Variants in SULF2 observed in about 807,000 individuals in gnomAD.
SULF2 encodes the protein sulfatase 2, also known as extracellular sulfatase Sulf-2.
A neutral mutation model predicts 107.7 loss-of-function variants in SULF2; 52 were observed. The ratio of observed to expected loss-of-function variants is 0.48; its 90% CI spans 0.39 to 0.61. SULF2 has a LOEUF of 0.61. Ranked by LOEUF, SULF2 falls within the 20% of genes least tolerant of loss-of-function variation. SULF2 has a pLI of 0.00. For missense variants in SULF2, 993 were observed against 1,177.3 expected, an observed-to-expected ratio of 0.84 and a Z score of 2.29; for synonymous variants, 460 against 464.3, an observed-to-expected ratio of 0.99 and a Z score of 0.12.
chr20:47,774,797 C>T (rs1012200343), intron 1 of SULF2, among the ~76,000 whole-genome samples: 3 of 152,198 alleles, frequency 2.0e-5, no homozygotes, highest in Admixed American at 6.5e-5. Context: ...TGCCCCCATC[C>T]TCTCTGCCAA....
intron 3 of SULF2, among the ~76,000 whole-genome samples, chr20:47,719,706 T>C (rs547586422): frequency 6.6e-6 from 1 of 152,334 alleles, no homozygotes; most frequent in African/African-American, 2.4e-5. Flanking sequence ...CTCAGCAAAC[T>C]ATTTCTGCAA....
chr20:47,745,043 G>C (rs1456999420), intron 2 of SULF2, among the ~76,000 whole-genome samples: 2 of 152,026 alleles, frequency 1.3e-5, no homozygotes, highest in African/African-American at 4.8e-5. Context: ...AAAGAGCACT[G>C]AATTGAGAGG....
chr20:47,774,401 A>G (rs1408680176), intron 1 of SULF2, among the ~76,000 whole-genome samples: 4 of 152,270 alleles, frequency 2.6e-5, no homozygotes, highest in African/African-American at 7.2e-5. Flanking sequence ...GCAGGCATTG[A>G]GCCCAGGTCC....
chr20:47,785,997 C>G (rs945776222), upstream of SULF2: 6 of 152,188 alleles, frequency 3.9e-5, no homozygotes, highest in African/African-American at 1.4e-4. Flanking sequence ...GCTGGCCGCG[C>G]TCCCGGCGCC....
chr20:47,745,462 TAC>T (rs1286603977), intron 2 of SULF2, among the ~76,000 whole-genome samples: 505 of 20,222 alleles, frequency 0.025, 31 homozygotes, highest in African/African-American at 0.12. Context: ...TATATACACA[TAC>T]ACACACACTT....
In SULF2 at chr20:47,659,468, TCAA is replaced by T. The variant is rs901224920; in HGVS notation, c.2529-19_2529-17del. The stretch of plus-strand genomic sequence containing the variant: ...CTGAAACTGCCTAAGTTTTCAAGTG[TCAA>T]AGGAGAATGAATGTTAACCATCACC... On this transcript the variant is annotated splice_polypyrimidine_tract_variant and intron_variant, in intron 19 of 20. Transcript: ENST00000688720. 102 of 1,613,506 alleles carry T rather than the reference TCAA, an allele frequency of 6.3e-5. No homozygotes were observed. Among genetic ancestry groups the T allele is most frequent in the Non-Finnish European group, 8.0e-5 (94 of 1,179,600 alleles).
chr20:47,705,173 T>A (rs2088690080), intron 3 of SULF2, among the ~76,000 whole-genome samples: 1 of 152,040 alleles, frequency 6.6e-6, no homozygotes, highest in African/African-American at 2.4e-5. Flanking sequence ...AGGGAGGAGC[T>A]GATGAAACAC....
chr20:47,697,690 C>T (rs2088429275), intron 4 of SULF2, among the ~76,000 whole-genome samples: 1 of 152,182 alleles, frequency 6.6e-6, no homozygotes, highest in African/African-American at 2.4e-5. Context: ...AATCCTCTCA[C>T]GCCTCCCTCA....
At chr20:47,697,912 G>C (rs2088438204) in intron 4 of SULF2, among the ~76,000 whole-genome samples, 1 of 152,252 alleles carries the variant, frequency 6.6e-6, no homozygotes. Flanking sequence ...GAATCCGCCT[G>C]CACTGAGGCT....
chr20:47,701,238 C>T (rs539607787), intron 4 of SULF2, among the ~76,000 whole-genome samples: 5 of 152,336 alleles, frequency 3.3e-5, no homozygotes, highest in African/African-American at 1.2e-4. Context: ...TCCACGCTGT[C>T]AGAAGTCAGA....
At chr20:47,714,351 T>C (rs1374665424) in intron 3 of SULF2, among the ~76,000 whole-genome samples, 1 of 152,208 alleles carries the variant, frequency 6.6e-6, no homozygotes, top group Non-Finnish European at 1.5e-5. Context: ...CTGTGATCCA[T>C]ACATCCGTCA....
At chr20:47,759,900 T>C (rs1411728229) in intron 1 of SULF2, among the ~76,000 whole-genome samples, 1 of 152,260 alleles carries the variant, frequency 6.6e-6, no homozygotes, top group Non-Finnish European at 1.5e-5. Context: ...TGTCCAATTC[T>C]TCCCCACTAG....
intron 8 of SULF2, 23 bp from the exon 9 acceptor site, chr20:47,677,157 C>T (rs1173634856): frequency 6.2e-7 from 1 of 1,613,318 alleles, no homozygotes; most frequent in African/African-American, 1.3e-5. Flanking sequence ...ACGGCTCCTG[C>T]TTCTCAGCAA....
In SULF2 at chr20:47,745,396, A is replaced by T. The variant is rs1295361431; in HGVS notation, c.176-8454T>A. Among the ~76,000 whole-genome samples the T allele has an allele frequency of 7.7e-4, 21 of 27,300 alleles. 1 individual carries two copies. Among genetic ancestry groups the T allele is most frequent in the African/African-American group, 3.8e-3 (16 of 4,250 alleles). 17.9% of individuals were successfully genotyped at this position (27,300 alleles called of 152,430 possible). A position where few individuals can be genotyped will look rare whatever the true frequency, so the allele number is the denominator to read the frequency against. On this transcript the variant is annotated intron_variant, in intron 2 of 20. Transcript: ENST00000688720. ...GAGTTTTGAGGGAAAAAAAAAAAAAAAAAAAAAAAAAAAAATATATATATA... is the reference window on the plus strand; with the variant it reads ...GAGTTTTGAGGGAAAAAAAAAAAAATAAAAAAAAAAAAAAATATATATATA...
chr20:47,701,330 G>A (rs570010464), intron 4 of SULF2, among the ~76,000 whole-genome samples: 4 of 152,314 alleles, frequency 2.6e-5, no homozygotes, highest in Admixed American at 1.3e-4. Context: ...TGTCTTGATC[G>A]GAGCCGCGGT....
intron 1 of SULF2, among the ~76,000 whole-genome samples, chr20:47,776,684 A>G (rs773684375): frequency 1.4e-4 from 22 of 152,210 alleles, no homozygotes; most frequent in Admixed American, 1.0e-3. Flanking sequence ...TTGGCCCCAG[A>G]GTCATCAGAA....
In SULF2 at chr20:47,715,706, C is replaced by T. The variant is rs370215831; in HGVS notation, c.416-13036G>A. Among the ~76,000 whole-genome samples the T allele has an allele frequency of 1.9e-3, 282 of 152,066 alleles. 1 individual carries two copies. The highest frequency in any genetic ancestry group is 6.2e-3 in the African/African-American group (259 of 41,478). On this transcript the variant is annotated intron_variant, in intron 3 of 20. Coordinates refer to ENST00000688720, the MANE Select transcript of SULF2 (RefSeq NM_001387048.1). Reference sequence around the variant, plus strand: ...CAGTGATTCTCTTGCCTCAGCCTCCCGACTGGCTGGGATTACAGGTGTTCG... The same window carrying T: ...CAGTGATTCTCTTGCCTCAGCCTCCTGACTGGCTGGGATTACAGGTGTTCG...
rs142263099 is a variant in SULF2, at chr20:47,705,809, T to C, written c.416-3139A>G. On this transcript the variant is annotated intron_variant, in intron 3 of 20. Coordinates refer to ENST00000688720, the MANE Select transcript of SULF2 (RefSeq NM_001387048.1). Reference sequence around the variant, plus strand: ...GAAACCTTTTCTTTTCTTTTCTTTTTTTTTTTTTTGAGAGAGGGTCTCGCT... The same window carrying C: ...GAAACCTTTTCTTTTCTTTTCTTTTCTTTTTTTTTGAGAGAGGGTCTCGCT... Among the ~76,000 whole-genome samples, 666 of 150,716 alleles carry C rather than the reference T, an allele frequency of 4.4e-3. 5 individuals carry two copies. Among genetic ancestry groups the C allele is most frequent in the African/African-American group, 0.015 (625 of 41,246 alleles).
rs560800055 is a variant in SULF2 at position 47,659,809 on chromosome 20, T to G, written c.2495-79A>C. 8.9e-6 allele frequency: 10 copies of G among 1,117,588 alleles called. No homozygotes were observed. The South Asian group carries it at 1.2e-4, about 13-fold the overall frequency. 69.2% of individuals were successfully genotyped at this position (1,117,588 alleles called of 1,614,324 possible). A position where few individuals can be genotyped will look rare whatever the true frequency, so the allele number is the denominator to read the frequency against. Reference sequence around the variant, plus strand: ...AACCCCAACACACCAGAAAACCATCTTATGCTTTTTTGTCACAATCCCATG... The same window carrying G: ...AACCCCAACACACCAGAAAACCATCGTATGCTTTTTTGTCACAATCCCATG... On this transcript the variant is annotated intron_variant, in intron 18 of 20. Coordinates refer to ENST00000688720, the MANE Select transcript of SULF2 (RefSeq NM_001387048.1).
Sources: allele counts gnomAD v4.1 joint callset (sites outside exome capture counted in the v4.1 genomes callset), GRCh38; gene constraint gnomAD v4.1.1; transcripts MANE v1.5; gene names NCBI Gene and HGNC (gene_info 2026-07-23, HGNC 2026-07-21).